The following PPA2 variants were observed in gnomAD, a reference collection of about 807,000 sequenced individuals.
PPA2 encodes the protein inorganic pyrophosphatase 2.
A neutral mutation model predicts 49.5 loss-of-function variants in PPA2; 48 were observed. That is an observed-to-expected ratio of 0.97 (90% confidence interval 0.77 to 1.23). The LOEUF is 1.23. Ranked by LOEUF, PPA2 falls within the 50% of genes most tolerant of loss-of-function variation. The probability of loss-of-function intolerance (pLI) is 0.00; values close to 1 mark genes in which losing one functional copy is unlikely to be tolerated. For missense variants in PPA2, 429 were observed against 410.1 expected, an observed-to-expected ratio of 1.05 and a Z score of -0.40; for synonymous variants, 131 against 139.9, an observed-to-expected ratio of 0.94 and a Z score of 0.45.
At chr4:105,434,621 A>C (rs1723961924) in intron 6 of PPA2, among the ~76,000 whole-genome samples, 1 of 152,208 alleles carries the variant, frequency 6.6e-6, no homozygotes, top group South Asian at 2.1e-4. Context: ...AATTCCTGGA[A>C]ATCACATATA....
chr4:105,471,178 G>A (rs1723508455), intron 1 of PPA2, among the ~76,000 whole-genome samples: 1 of 152,114 alleles, frequency 6.6e-6, no homozygotes. Context: ...TAAGCAGTCT[G>A]GAAAATGATC....
At chr4:105,391,454 T>G (rs1473707366) in intron 9 of PPA2, among the ~76,000 whole-genome samples, 1 of 152,084 alleles carries the variant, frequency 6.6e-6, no homozygotes, top group African/African-American at 2.4e-5. Flanking sequence ...ATATATTTAT[T>G]TATTTATTCA....
At chr4:105,390,557 C>G (rs1046928758) in intron 9 of PPA2, among the ~76,000 whole-genome samples, 1 of 152,054 alleles carries the variant, frequency 6.6e-6, no homozygotes, top group African/African-American at 2.4e-5. Flanking sequence ...TGAAAAAAAG[C>G]TCATCATCAC....
chr4:105,406,924 T>C (rs1213781953), intron 7 of PPA2: 1 of 152,040 alleles, frequency 6.6e-6, no homozygotes, highest in Non-Finnish European at 1.5e-5. Context: ...AAAAACCCTA[T>C]AACTTTAAAT....
intron 9 of PPA2, among the ~76,000 whole-genome samples, chr4:105,388,782 G>A (rs536125562): frequency 2.1e-5 from 3 of 142,592 alleles, no homozygotes; most frequent in Non-Finnish European, 4.5e-5. Context: ...CCGAGATGGC[G>A]CCACTGCACT....
rs777828286 is a variant in PPA2, at chr4:105,473,611, G to A, written c.157+283C>T. The A allele has an allele frequency of 7.6e-6, 5 of 659,706 alleles. No homozygotes were observed. In the Admixed American group the frequency reaches 9.2e-5, roughly 12 times the overall value. The allele number at this position is 659,706 out of a possible 1,614,324, so 40.9% of individuals were successfully genotyped here. A position where few individuals can be genotyped will look rare whatever the true frequency, so the allele number is the denominator to read the frequency against. On this transcript the variant is annotated intron_variant, in intron 1 of 11. Transcript: ENST00000341695. ...GCTTGCACTCTGCCTACCCCTCGGG[G>A]AGGGCGGCTGGCAGGGCACAGGGCG... is the stretch of plus-strand genomic sequence containing the variant.
chr4:105,399,023 A>C lies in PPA2; in HGVS notation c.783+14T>G. 1 of 1,603,220 alleles carries C rather than the reference A, an allele frequency of 6.2e-7. No individual in the cohort carries two copies. The highest frequency in any genetic ancestry group is 8.5e-7 in the Non-Finnish European group (1 of 1,177,294). ...TCAGGAGGTACATTTTAAAATAAAG[A>C]TTCTCATCTTCACCTTGTTTTTGAA... On this transcript the variant is annotated intron_variant, in intron 8 of 11. Transcript: ENST00000341695.
Position 105,394,398 on chromosome 4 carries a change from A to AG in PPA2, c.869+1850_869+1851insC, listed in dbSNP as rs1428896133. Among the ~76,000 whole-genome samples, 16 of 150,592 alleles carry AG rather than the reference A, an allele frequency of 1.1e-4. 1 individual carries two copies. Among genetic ancestry groups the AG allele is most frequent in the Admixed American group, 2.7e-4 (4 of 15,036 alleles). On this transcript the variant is annotated intron_variant, in intron 9 of 11. Transcript: ENST00000341695. ...CAAAAAAAAAAAAAAAAAGAAAGAA[A>AG]AAAAAAGAGAGTAAGGTTTAAATCC...
intron 7 of PPA2, 40 bp from the exon 8 acceptor site, chr4:105,399,204 A>G (rs1367637484): frequency 1.9e-6 from 3 of 1,561,974 alleles, no homozygotes; most frequent in Non-Finnish European, 2.6e-6. Context: ...GTTAAGAACC[A>G]AAATTAATTC....
chr4:105,460,870 G>T (rs1427636488), intron 1 of PPA2, among the ~76,000 whole-genome samples: 94 of 133,402 alleles, frequency 7.0e-4, no homozygotes, highest in African/African-American at 2.4e-3. Flanking sequence ...TATATATATA[G>T]TTTTCTAATT....
At chr4:105,402,478 G>A (rs376187774) in intron 7 of PPA2, among the ~76,000 whole-genome samples, 5 of 152,192 alleles carry the variant, frequency 3.3e-5, no homozygotes, top group African/African-American at 1.2e-4. Flanking sequence ...TGCAGTCTGG[G>A]AGGAAGACAG....
At chr4:105,456,398 A>T (rs1475387755) in intron 2 of PPA2, 3 of 424,726 alleles carry the variant, frequency 7.1e-6, no homozygotes, top group African/African-American at 6.1e-5. Flanking sequence ...TTGTAAATAA[A>T]CCTCTTGGTA....
At chr4:105,420,983 T>TAC (rs1723225346) in intron 7 of PPA2, among the ~76,000 whole-genome samples, 1 of 152,224 alleles carries the variant, frequency 6.6e-6, no homozygotes, top group Non-Finnish European at 1.5e-5. Context: ...TAACATAATT[T>TAC]AAACATTATA....
Position 105,418,558 on chromosome 4 carries a change from C to T in PPA2, c.655+5638G>A, listed in dbSNP as rs564563478. On this transcript the variant is annotated intron_variant, in intron 7 of 11. Coordinates refer to ENST00000341695, the MANE Select transcript of PPA2 (RefSeq NM_176869.3). ...ATGCCGGCCTATGAAAATGTCAGAA[C>T]GGTCTCATTTTAAATAATTGCTCAT... Among the ~76,000 whole-genome samples, 9 of 152,194 alleles carry T rather than the reference C, an allele frequency of 5.9e-5. No individual in the cohort carries two copies. In the East Asian group the frequency reaches 1.2e-3, roughly 20 times the overall value.
At chr4:105,459,904 G>C (rs1282328630) in intron 1 of PPA2, among the ~76,000 whole-genome samples, 1 of 152,242 alleles carries the variant, frequency 6.6e-6, no homozygotes, top group Non-Finnish European at 1.5e-5. Context: ...CTGATGGTAA[G>C]AGAGTAGGGT....
chr4:105,392,947 T>C (rs1000624894), intron 9 of PPA2, among the ~76,000 whole-genome samples: 1 of 152,240 alleles, frequency 6.6e-6, no homozygotes, highest in Non-Finnish European at 1.5e-5. Flanking sequence ...AGGGAATGTT[T>C]CCTAGAGAAG....
chr4:105,393,280 T>A (rs1733996899), intron 9 of PPA2, among the ~76,000 whole-genome samples: 1 of 151,650 alleles, frequency 6.6e-6, no homozygotes, highest in South Asian at 2.1e-4. Flanking sequence ...GATTGCTTGA[T>A]CCCAGGAGTT....
At chr4:105,383,833 T>C (rs1353975601) in intron 10 of PPA2, among the ~76,000 whole-genome samples, 1 of 152,030 alleles carries the variant, frequency 6.6e-6, no homozygotes, top group African/African-American at 2.4e-5. Flanking sequence ...CAGGACTTGA[T>C]ACGGTCTGAA....
intron 6 of PPA2, among the ~76,000 whole-genome samples, chr4:105,426,617 G>A (rs181505423): frequency 1.3e-5 from 2 of 152,348 alleles, no homozygotes; most frequent in African/African-American, 4.8e-5. Context: ...TGGGATGTGG[G>A]AGCTTGGTAG....
Sources: allele counts gnomAD v4.1 joint callset (sites outside exome capture counted in the v4.1 genomes callset), GRCh38; gene constraint gnomAD v4.1.1; transcripts MANE v1.5; gene names NCBI Gene and HGNC (gene_info 2026-07-23, HGNC 2026-07-21).